EGFR: variants seen among roughly 807,000 people sequenced by gnomAD.
EGFR encodes epidermal growth factor receptor, also known as avian erythroblastic leukemia viral (v-erb-b) oncogene homolog.
In EGFR, 58 loss-of-function variants were observed where a neutral mutation model predicts 143.0. That is an observed-to-expected ratio of 0.41 (90% CI 0.33 to 0.50). The LOEUF (loss-of-function observed/expected upper bound fraction) is 0.50. Ranked by LOEUF, EGFR falls within the 20% of genes least tolerant of loss-of-function variation. The pLI, the probability that EGFR is intolerant of heterozygous loss-of-function variation, is 0.39. For synonymous variants in EGFR, 613 were observed against 594.4 expected, an observed-to-expected ratio of 1.03 and a Z score of -0.45; for missense variants, 1,307 against 1,579.0, an observed-to-expected ratio of 0.83 and a Z score of 2.92.
At position 55,148,096 on chromosome 7, in the gene EGFR, A is replaced by G. The variant is rs1052221557; in HGVS notation, c.559+1356A>G. Among the ~76,000 whole-genome samples the G allele has an allele frequency of 7.2e-5, 11 of 152,148 alleles. No individual in the cohort carries two copies. The East Asian group carries it at 7.7e-4, about 11-fold the overall frequency. On this transcript the variant is annotated intron_variant, in intron 4 of 27. Coordinates refer to ENST00000275493, the MANE Select transcript of EGFR (RefSeq NM_005228.5). Reference sequence around the variant, plus strand: ...GAATAATGCTGCTGTGAACATGGGTATTGAGGCTCTTTGTTTTATAGACAT... The same window carrying G: ...GAATAATGCTGCTGTGAACATGGGTGTTGAGGCTCTTTGTTTTATAGACAT...
chr7:55,166,108 G>C (rs537746465), intron 15 of EGFR, among the ~76,000 whole-genome samples: 1 of 151,900 alleles, frequency 6.6e-6, no homozygotes, highest in South Asian at 2.1e-4. Flanking sequence ...CCAAGATCTC[G>C]CCACTGCACT....
intron 1 of EGFR, among the ~76,000 whole-genome samples, chr7:55,111,975 G>A (rs1342762294): frequency 6.6e-6 from 1 of 152,196 alleles, no homozygotes; most frequent in Non-Finnish European, 1.5e-5. Context: ...GGGATTGCGT[G>A]ATGGGCTTGG....
At chr7:55,081,339 G>A (rs542591367) in intron 1 of EGFR, among the ~76,000 whole-genome samples, 18 of 152,316 alleles carry the variant, frequency 1.2e-4, no homozygotes, top group African/African-American at 4.1e-4. Flanking sequence ...GGAGGGGGCT[G>A]TGCTGAGCAG....
chr7:55,209,168 G>C lies in EGFR; in HGVS notation c.*3551G>C, dbSNP rs773321247. The C allele has an allele frequency of 7.9e-5, 12 of 152,076 alleles. No individual in the cohort carries two copies. Among genetic ancestry groups the C allele is most frequent in the Non-Finnish European group, 1.3e-4 (9 of 68,052 alleles). 9.4% of individuals were successfully genotyped at this position (152,076 alleles called of 1,614,324 possible). On this transcript the variant is annotated 3_prime_UTR_variant, in exon 28 of 28. Coordinates refer to ENST00000275493, the MANE Select transcript of EGFR (RefSeq NM_005228.5). ...GCAGACCAATTCAACCCAAATCTCG[G>C]GGGCTCTTTCATGATTCTAATGGGC...
rs574637247 is a variant in EGFR, at chr7:55,199,858, C to T, written c.2849-458C>T. Among the ~76,000 whole-genome samples, 361 of 152,266 alleles carry T rather than the reference C, an allele frequency of 2.4e-3. 2 individuals carry two copies. The highest frequency in any genetic ancestry group is 0.017 in the Middle Eastern group (5 of 294). On this transcript the variant is annotated intron_variant, in intron 23 of 27. Transcript: ENST00000275493. ...TGGGTATGTGCTGTACTGGAGACGC[C>T]GGGGGTAGGGGCCCAGTCCCAACCC...
chr7:55,083,936 G>C (rs1790615676), intron 1 of EGFR, among the ~76,000 whole-genome samples: 1 of 152,218 alleles, frequency 6.6e-6, no homozygotes, highest in Non-Finnish European at 1.5e-5. Context: ...AGGTTAGCAA[G>C]ATTGGGATCC....
At chr7:55,059,613 C>T (rs1253950661) in intron 1 of EGFR, among the ~76,000 whole-genome samples, 1 of 152,014 alleles carries the variant, frequency 6.6e-6, no homozygotes, top group African/African-American at 2.4e-5. Flanking sequence ...CCCCTCCTTC[C>T]CCACCTGCTC....
chr7:55,139,713 T>C (rs1325579001), intron 1 of EGFR, among the ~76,000 whole-genome samples: 1 of 152,198 alleles, frequency 6.6e-6, no homozygotes, highest in Non-Finnish European at 1.5e-5. Context: ...TTTTCCATTA[T>C]TAACAAAATT....
At chr7:55,136,732 T>C (rs185315122) in intron 1 of EGFR, among the ~76,000 whole-genome samples, 128 of 152,360 alleles carry the variant, frequency 8.4e-4, no homozygotes, top group African/African-American at 2.9e-3. Flanking sequence ...ATGTCTGATA[T>C]GTTACTTTCT....
chr7:55,133,818 C>T lies in EGFR; in HGVS notation c.89-8468C>T, dbSNP rs910195843. ...CGGCCCTGAAGCAGCAAGGCAGATG[C>T]CCTGGACACAGTGGAGGCACAGAGT... is the stretch of plus-strand genomic sequence containing the variant. On this transcript the variant is annotated intron_variant, in intron 1 of 27. Transcript: ENST00000275493. Among the ~76,000 whole-genome samples, 4 of 152,192 alleles carry T rather than the reference C, an allele frequency of 2.6e-5. No individual in the cohort carries two copies. In the East Asian group the frequency reaches 7.7e-4, roughly 29 times the overall value.
intron 16 of EGFR, 169 bp from the exon 17 acceptor site, chr7:55,172,813 GT>G (rs1249066050): frequency 2.6e-6 from 4 of 1,541,300 alleles, no homozygotes; most frequent in Non-Finnish European, 3.5e-6. Flanking sequence ...AGTTGGAAAC[GT>G]TGCCTTAGAA....
chr7:55,168,651 A>G, intron 15 of EGFR: 3 of 1,452,546 alleles, frequency 2.1e-6, no homozygotes, highest in East Asian at 4.7e-5. Context: ...GGAATTTTAT[A>G]AATATTTTCT....
chr7:55,097,681 T>C (rs1360722908), intron 1 of EGFR, among the ~76,000 whole-genome samples: 1 of 152,214 alleles, frequency 6.6e-6, no homozygotes, highest in Non-Finnish European at 1.5e-5. Context: ...ACAAACCCTG[T>C]GTCTGCCCCT....
intron 1 of EGFR, among the ~76,000 whole-genome samples, chr7:55,092,100 A>G (rs1205820871): frequency 6.6e-6 from 1 of 152,144 alleles, no homozygotes. Context: ...TTTTCAGAGA[A>G]CTGTTTAATG....
At chr7:55,183,048 A>G (rs1384447266) in intron 20 of EGFR, among the ~76,000 whole-genome samples, 1 of 152,146 alleles carries the variant, frequency 6.6e-6, no homozygotes, top group Non-Finnish European at 1.5e-5. Context: ...CCATGCTCCC[A>G]CAATGGTTCT....
At chr7:55,111,335 C>G (rs1033406609) in intron 1 of EGFR, among the ~76,000 whole-genome samples, 1 of 151,366 alleles carries the variant, frequency 6.6e-6, no homozygotes. Flanking sequence ...AGCTGCCCAG[C>G]GAGGCAGGTT....
At position 55,202,638 on chromosome 7, in the gene EGFR, T is replaced by C. The variant is rs1436046921; in HGVS notation, c.3271+13T>C. On this transcript the variant is annotated intron_variant, in intron 27 of 27. Transcript: ENST00000275493. ...CTCCCAGTGCCTGGTGAGTGGCTTG[T>C]CTGGAAACAGTCCTGCTCCTCAACC... is the stretch of plus-strand genomic sequence containing the variant. 25 of 1,603,766 alleles carry C rather than the reference T, an allele frequency of 1.6e-5. No homozygotes were observed. Among genetic ancestry groups the C allele is most frequent in the African/African-American group, 2.7e-5 (2 of 74,590 alleles).
Position 55,114,122 on chromosome 7 carries a change from A to G in EGFR, c.89-28164A>G, listed in dbSNP as rs116506062. 7.4e-3 allele frequency among the ~76,000 whole-genome samples: 1,132 copies of G among 152,354 alleles called. 10 individuals are homozygous for G. The highest frequency in any genetic ancestry group is 0.026 in the African/African-American group (1,093 of 41,570). On this transcript the variant is annotated intron_variant, in intron 1 of 27. Coordinates refer to ENST00000275493, the MANE Select transcript of EGFR (RefSeq NM_005228.5). Reference sequence around the variant, plus strand: ...GAATATTACAAAAATATAGAAAAGCATGTTATAGTAAATAAAAGGCTCACA... The same window carrying G: ...GAATATTACAAAAATATAGAAAAGCGTGTTATAGTAAATAAAAGGCTCACA...
intron 1 of EGFR, among the ~76,000 whole-genome samples, chr7:55,115,255 A>G (rs901545033): frequency 1.3e-5 from 2 of 152,198 alleles, no homozygotes; most frequent in Non-Finnish European, 2.9e-5. Context: ...CAGAAAAGTG[A>G]GCCAGGCACT....
Sources: gnomAD v4.1 joint callset for allele counts (sites outside exome capture counted in the v4.1 genomes callset) on GRCh38, gnomAD v4.1.1 for gene constraint, MANE v1.5 for transcripts, NCBI Gene and HGNC (gene_info 2026-07-23, HGNC 2026-07-21) for gene names.